Variants in RB1 observed in about 807,000 individuals in gnomAD.
The protein encoded by RB1 is retinoblastoma-associated protein.
A neutral mutation model predicts 135.4 loss-of-function variants in RB1; 18 were observed. That is an observed-to-expected ratio of 0.13 (90% CI 0.09 to 0.20). The LOEUF (loss-of-function observed/expected upper bound fraction) is 0.20. RB1 is among the 10% of genes least tolerant of loss of function. RB1 has a pLI of 1.00. For missense variants in RB1, 868 were observed against 1,110.0 expected (o/e 0.78, Z 3.10); for synonymous variants, 365 against 373.2 (o/e 0.98, Z 0.25).
At chr13:48,380,129 A>G (rs751628842) in intron 15 of RB1, 36 bp from the exon 16 acceptor site, 6 of 1,485,050 alleles carry the variant, frequency 4.0e-6, no homozygotes, top group East Asian at 2.5e-5. Flanking sequence ...TTTTTATAGA[A>G]GTAAGTATTT....
At chr13:48,304,501 G>A (rs377261506) in intron 1 of RB1, among the ~76,000 whole-genome samples, 197 of 152,254 alleles carry the variant, frequency 1.3e-3, no homozygotes, top group African/African-American at 4.3e-3. Context: ...TTTTCTTCCG[G>A]GCGTGCACTG....
chr13:48,314,725 C>T (rs965591303), intron 2 of RB1, among the ~76,000 whole-genome samples: 6 of 151,414 alleles, frequency 4.0e-5, no homozygotes, highest in African/African-American at 7.3e-5. Context: ...CGCTTGAACC[C>T]GGGAGGCGGA....
chr13:48,450,557 T>C (rs924832349), intron 17 of RB1, among the ~76,000 whole-genome samples: 9 of 152,222 alleles, frequency 5.9e-5, no homozygotes, highest in Non-Finnish European at 1.2e-4. Context: ...CTGTTTTGGT[T>C]ACTGTAGCCT....
chr13:48,379,864 G>T (rs1948516520), intron 14 of RB1, among the ~76,000 whole-genome samples, 189 bp from the exon 15 acceptor site: 1 of 150,878 alleles, frequency 6.6e-6, no homozygotes, highest in East Asian at 2.0e-4. Flanking sequence ...GCAGGCTGAG[G>T]CAGGAGAATC....
intron 2 of RB1, among the ~76,000 whole-genome samples, chr13:48,332,395 C>G (rs2138070122): frequency 6.6e-6 from 1 of 152,236 alleles, no homozygotes; most frequent in East Asian, 1.9e-4. Flanking sequence ...TGGGGAGACC[C>G]CCATCTCTAC....
In RB1 at chr13:48,379,666, T is replaced by C. The variant is rs567239329; in HGVS notation, c.1389+16T>C. On this transcript the variant is annotated intron_variant, in intron 14 of 26. Transcript: ENST00000267163. ...GCTTAAATCAGTAAGTTAAAAACAA[T>C]ATAAAAAAATTTCAGCCGGGCGCGG... 1 of 1,607,946 alleles carries C rather than the reference T, an allele frequency of 6.2e-7. No homozygotes were observed. The highest frequency in any genetic ancestry group is 8.5e-7 in the Non-Finnish European group (1 of 1,177,524).
At chr13:48,430,305 G>A (rs1205202713) in intron 17 of RB1, among the ~76,000 whole-genome samples, 1 of 151,938 alleles carries the variant, frequency 6.6e-6, no homozygotes, top group African/African-American at 2.4e-5. Context: ...TATCAGGATA[G>A]CAATTTGAAA....
chr13:48,310,740 AT>A (rs1464139444), intron 2 of RB1, among the ~76,000 whole-genome samples: 2 of 152,108 alleles, frequency 1.3e-5, no homozygotes, highest in African/African-American at 2.4e-5. Context: ...TAAAATTCTT[AT>A]TTTTAAGTAC....
At chr13:48,359,248 C>T (rs1430373027) in intron 6 of RB1, among the ~76,000 whole-genome samples, 1 of 151,620 alleles carries the variant, frequency 6.6e-6, no homozygotes, top group Non-Finnish European at 1.5e-5. Flanking sequence ...TCACAGCCAT[C>T]TAGTTGTATA....
intron 2 of RB1, among the ~76,000 whole-genome samples, chr13:48,322,921 T>A (rs1001300873): frequency 2.0e-5 from 3 of 150,992 alleles, no homozygotes; most frequent in Admixed American, 1.3e-4. Context: ...GTTTGCTAAT[T>A]TTTTTTTTTG....
chr13:48,345,848 G>A (rs1952489446), intron 4 of RB1, among the ~76,000 whole-genome samples: 1 of 152,136 alleles, frequency 6.6e-6, no homozygotes, highest in Admixed American at 6.5e-5. Context: ...GTAATAGCAT[G>A]GTAAAGGGAG....
Position 48,373,437 on chromosome 13 carries a change from T to C in RB1, c.1160T>C (p.Met387Thr), listed in dbSNP as rs767908749. 3.1e-6 allele frequency: 5 copies of C among 1,598,656 alleles called. No homozygotes were observed. The highest frequency in any genetic ancestry group is 1.7e-5 in the Admixed American group (1 of 59,980). Residue 387 changes from methionine (M) to threonine (T), a missense_variant, in exon 12 of 27, where the codon ATG becomes ACG. Around this residue, in one of 3 missense-constraint regions of RB1, gnomAD observed 641 missense variants for 791.3 expected, o/e 0.81. Coordinates refer to ENST00000267163, the MANE Select transcript of RB1 (RefSeq NM_000321.3). The stretch of plus-strand genomic sequence containing the variant: ...ATGAACACTATCCAACAATTAATGA[T>C]GATTTTAAATTCAGCAAGTGATCAA... ...TVMNTIQQLMMILNSASDQPS... is the reference protein window; with the variant it reads ...TVMNTIQQLMTILNSASDQPS...
intron 17 of RB1, among the ~76,000 whole-genome samples, chr13:48,404,534 T>C (rs1566207806): frequency 6.6e-6 from 1 of 151,976 alleles, no homozygotes; most frequent in Admixed American, 6.6e-5. Context: ...TGGATACTTT[T>C]TGTTTTTTTT....
intron 4 of RB1, among the ~76,000 whole-genome samples, chr13:48,346,301 T>C (rs1022499330): frequency 6.6e-6 from 1 of 151,460 alleles, no homozygotes; most frequent in African/African-American, 2.4e-5. Flanking sequence ...GTGGAGAGAA[T>C]CACTTTTCAT....
chr13:48,311,307 T>C (rs1316144649), intron 2 of RB1, among the ~76,000 whole-genome samples: 1 of 152,202 alleles, frequency 6.6e-6, no homozygotes, highest in Admixed American at 6.5e-5. Flanking sequence ...TTTTGTGATA[T>C]GGTGGTTATA....
At chr13:48,389,678 G>T (rs1948597136) in intron 17 of RB1, 2 of 152,152 alleles carry the variant, frequency 1.3e-5, no homozygotes, top group Non-Finnish European at 2.9e-5. Context: ...GGTGCCTGGA[G>T]CTATAGGGTC....
At position 48,319,415 on chromosome 13, in the gene RB1, C is replaced by A; in HGVS notation, c.264+12009C>A. 1 of 383,732 alleles carries A rather than the reference C, an allele frequency of 2.6e-6. No homozygotes were observed. Among genetic ancestry groups the A allele is most frequent in the Admixed American group, 3.6e-5 (1 of 28,002 alleles). The allele number at this position is 383,732 out of a possible 1,614,324, so 23.8% of individuals were successfully genotyped here. On this transcript the variant is annotated intron_variant, in intron 2 of 26. Transcript: ENST00000267163. This position sits in a 1 kb window ranked among gnomAD's most constrained non-coding sequence, Gnocchi z 5.0. ...CGTCGTTGCTGCTGGAGTCTGACGC[C>A]TCGGGCGCCTGCGCCGCACTTGTGA... is the stretch of plus-strand genomic sequence containing the variant.
At position 48,390,765 on chromosome 13, in the gene RB1, C is replaced by T. The variant is rs117958045; in HGVS notation, c.1695+9322C>T. Among the ~76,000 whole-genome samples, 718 of 152,300 alleles carry T rather than the reference C, an allele frequency of 4.7e-3. 18 individuals are homozygous for T. In the East Asian group the frequency reaches 0.074, roughly 16 times the overall value. On this transcript the variant is annotated intron_variant, in intron 17 of 26. Transcript: ENST00000267163. ...CTCTGAAAACTACTTGTGCCTGATA[C>T]TAGTGAAGCCATTCCAGCTTTCTTC...
At chr13:48,461,515 G>A (rs1949405003) in intron 20 of RB1, among the ~76,000 whole-genome samples, 1 of 152,154 alleles carries the variant, frequency 6.6e-6, no homozygotes, top group African/African-American at 2.4e-5. Flanking sequence ...ATACCTAGGA[G>A]TAGAATTGCT....
Sources: gnomAD v4.1 joint callset for allele counts (sites outside exome capture counted in the v4.1 genomes callset) on GRCh38, gnomAD v4.1.1 for gene constraint, gnomAD v4.1.1 regional missense constraint, Gnocchi (gnomAD v3.1) non-coding constraint, MANE v1.5 for transcripts, NCBI Gene and HGNC (gene_info 2026-07-23, HGNC 2026-07-21) for gene names.